Variants in PATL2 observed in about 807,000 individuals in gnomAD.
PATL2 encodes PAT1 homolog 2, also known as protein PAT1 homolog 2.
Under a neutral mutation model 77.0 loss-of-function variants are expected in PATL2, and 73 were observed. The observed-to-expected ratio is 0.95, with a 90% confidence interval of 0.78 to 1.15. The LOEUF (loss-of-function observed/expected upper bound fraction) is 1.15. Among genes scored for constraint, PATL2 ranks in the 50% most tolerant of loss-of-function variants. PATL2 has a pLI of 0.00. For missense variants in PATL2, 618 were observed against 655.4 expected, an observed-to-expected ratio of 0.94 and a Z score of 0.62; for synonymous variants, 265 against 257.1, an observed-to-expected ratio of 1.03 and a Z score of -0.29.
chr15:44,669,624 C>A, intron 11 of PATL2, 61 bp from the exon 12 acceptor site: 2 of 1,527,780 alleles, frequency 1.3e-6, no homozygotes, highest in Non-Finnish European at 1.8e-6. Context: ...CTAGCCCAGG[C>A]CCCCAACTAG....
intron 4 of PATL2, chr15:44,676,077 CA>C: frequency 3.1e-6 from 1 of 322,126 alleles, no homozygotes; most frequent in Non-Finnish European, 5.8e-6. Flanking sequence ...CCTTCACTTT[CA>C]CATCCCCTCT....
chr15:44,689,735 T>C (rs1363922490), intron 3 of PATL2, among the ~76,000 whole-genome samples: 2 of 152,056 alleles, frequency 1.3e-5, no homozygotes, highest in Admixed American at 1.3e-4. Context: ...AGGGGAGGGA[T>C]ACCATTAGGA....
At chr15:44,706,824 T>C (rs2086747298) in intron 3 of PATL2, among the ~76,000 whole-genome samples, 1 of 152,232 alleles carries the variant, frequency 6.6e-6, no homozygotes, top group Non-Finnish European at 1.5e-5. Context: ...GCCAAGCTTA[T>C]GTCCCTCTCT....
In PATL2 at chr15:44,677,973, G is replaced by C. The variant is rs578095547; in HGVS notation, c.-75-1408C>G. Among the ~76,000 whole-genome samples, 4 of 152,170 alleles carry C rather than the reference G, an allele frequency of 2.6e-5. No individual in the cohort carries two copies. The South Asian group carries it at 8.3e-4, about 32-fold the overall frequency. On this transcript the variant is annotated intron_variant, in intron 3 of 17. Coordinates refer to ENST00000682850, the MANE Select transcript of PATL2 (RefSeq NM_001387263.1). ...CTGCCTCAGCCTCCCGAGTAGCTGGGATTACAGGCGGCCACCACCATGCCC... is the reference window on the plus strand; with the variant it reads ...CTGCCTCAGCCTCCCGAGTAGCTGGCATTACAGGCGGCCACCACCATGCCC...
chr15:44,674,153 CCA>C lies in PATL2; in HGVS notation c.298_299del (p.Trp100AlafsTer47). Reference protein sequence around the residue: ...GMSLASLHFLWQTLDYLSPIP... With the variant: ...GMSLASLHFLXQTLDYLSPIP... ...ATGGAGACTGCAGCAGACTCACCTG[CCA>C]CAGAAAATGCAAGGAGGCAAGTGAC... On this transcript the variant is annotated frameshift_variant, in exon 6 of 18. Transcript: ENST00000682850. LOFTEE classifies it high-confidence loss of function. 1 of 1,547,466 alleles carries C rather than the reference CCA, an allele frequency of 6.5e-7. No individual in the cohort carries two copies. Among genetic ancestry groups the C allele is most frequent in the Non-Finnish European group, 8.7e-7 (1 of 1,143,362 alleles).
chr15:44,668,502 C>T lies in PATL2; in HGVS notation c.1225-20G>A. Reference sequence around the variant, plus strand: ...TAGGGCCTGCAAGAAGATCAGTAAGCACCTCCCAAATTCCACTACAACTTC... The same window carrying T: ...TAGGGCCTGCAAGAAGATCAGTAAGTACCTCCCAAATTCCACTACAACTTC... On this transcript the variant is annotated intron_variant, in intron 14 of 17. Transcript: ENST00000682850. 1 of 1,547,060 alleles carries T rather than the reference C, an allele frequency of 6.5e-7. No individual in the cohort carries two copies. The highest frequency in any genetic ancestry group is 8.7e-7 in the Non-Finnish European group (1 of 1,145,122).
chr15:44,674,353 T>A, intron 5 of PATL2, 123 bp from the exon 6 acceptor site: 1 of 708,598 alleles, frequency 1.4e-6, no homozygotes, highest in Non-Finnish European at 2.3e-6. Flanking sequence ...TCCAGGGCAG[T>A]GGCAGCTTGG....
At chr15:44,689,609 G>C (rs1175253943) in intron 3 of PATL2, among the ~76,000 whole-genome samples, 2 of 149,132 alleles carry the variant, frequency 1.3e-5, no homozygotes, top group African/African-American at 5.1e-5. Context: ...ACTAACACAA[G>C]AACAGAAAAC....
At chr15:44,695,498 C>T (rs2086485187) in intron 3 of PATL2, among the ~76,000 whole-genome samples, 2 of 152,084 alleles carry the variant, frequency 1.3e-5, no homozygotes, top group African/African-American at 4.8e-5. Context: ...GGCCAGCCTT[C>T]CCCTCACCTC....
intron 3 of PATL2, among the ~76,000 whole-genome samples, chr15:44,708,128 G>A (rs2086778430): frequency 6.6e-6 from 1 of 152,248 alleles, no homozygotes; most frequent in Non-Finnish European, 1.5e-5. Flanking sequence ...ATAGCATTTA[G>A]CAATTCAAGA....
chr15:44,698,957 T>C (rs2086571887), intron 3 of PATL2, among the ~76,000 whole-genome samples: 1 of 152,246 alleles, frequency 6.6e-6, no homozygotes, highest in African/African-American at 2.4e-5. Flanking sequence ...TGAGCTGATA[T>C]CTCATTGTAG....
At chr15:44,707,500 C>A (rs1279418558) in intron 3 of PATL2, among the ~76,000 whole-genome samples, 1 of 152,098 alleles carries the variant, frequency 6.6e-6, no homozygotes, top group Non-Finnish European at 1.5e-5. Flanking sequence ...CCCTTCTGGC[C>A]CAGGGTGTGG....
At chr15:44,672,209 A>G (rs1475791046) in intron 8 of PATL2, 53 bp from the exon 9 acceptor site, 3 of 1,551,084 alleles carry the variant, frequency 1.9e-6, no homozygotes, top group Middle Eastern at 1.7e-4. Flanking sequence ...GGCACTTCCT[A>G]AGGAGTGTGG....
intron 16 of PATL2, 104 bp downstream of exon 16, chr15:44,667,002 C>T: frequency 1.1e-6 from 1 of 894,798 alleles, no homozygotes; most frequent in Middle Eastern, 3.0e-4. Context: ...CTCTATCCAA[C>T]CTCTTCCTCA....
intron 11 of PATL2, 91 bp from the exon 12 acceptor site, chr15:44,669,654 G>C: frequency 6.6e-7 from 1 of 1,516,010 alleles, no homozygotes. Context: ...GAGCTGGAAA[G>C]GCTAGAAACA....
intron 15 of PATL2, 81 bp downstream of exon 15, chr15:44,668,261 G>A (rs2085481740): frequency 2.8e-6 from 4 of 1,427,002 alleles, no homozygotes; most frequent in East Asian, 2.5e-5. Context: ...GTGTAGAGAT[G>A]AGACTGTCCC....
intron 3 of PATL2, among the ~76,000 whole-genome samples, chr15:44,678,169 G>A (rs1379329282): frequency 6.6e-6 from 1 of 152,122 alleles, no homozygotes; most frequent in African/African-American, 2.4e-5. Flanking sequence ...GGCCTTTTTG[G>A]TAATGTTATT....
At chr15:44,670,697 G>A (rs1478085443) in intron 9 of PATL2, among the ~76,000 whole-genome samples, 2 of 152,196 alleles carry the variant, frequency 1.3e-5, no homozygotes, top group African/African-American at 4.8e-5. Flanking sequence ...GAGAGCCAGT[G>A]AGCAAACCTG....
intron 3 of PATL2, among the ~76,000 whole-genome samples, chr15:44,688,284 T>TA (rs977552376): frequency 2.1e-5 from 3 of 145,802 alleles, no homozygotes; most frequent in South Asian, 2.2e-4. Context: ...ATAATAATAA[T>TA]AAAAAAAATG....
Sources: gnomAD v4.1 joint callset for allele counts (sites outside exome capture counted in the v4.1 genomes callset) on GRCh38, gnomAD v4.1.1 for gene constraint, MANE v1.5 for transcripts, NCBI Gene and HGNC (gene_info 2026-07-23, HGNC 2026-07-21) for gene names.